Variants in OVCH1 observed in about 807,000 individuals in gnomAD.
OVCH1 encodes the protein ovochymase 1.
In OVCH1, 139 loss-of-function variants were observed where a neutral mutation model predicts 138.4. That is an observed-to-expected ratio of 1.00 (90% CI 0.87 to 1.16). OVCH1 has a LOEUF of 1.16. Among genes scored for constraint, OVCH1 ranks in the 50% most tolerant of loss-of-function variants. The pLI is 0.00. For synonymous variants in OVCH1, 453 were observed against 467.8 expected, an observed-to-expected ratio of 0.97 and a Z score of 0.41; for missense variants, 1,367 against 1,357.9, an observed-to-expected ratio of 1.01 and a Z score of -0.11.
intron 16 of OVCH1, among the ~76,000 whole-genome samples, chr12:29,469,515 C>G (rs952522197): frequency 6.6e-6 from 1 of 152,102 alleles, no homozygotes; most frequent in African/African-American, 2.4e-5. Flanking sequence ...CAGGAACAAG[C>G]TCAGCACATC....
At chr12:29,410,682 TG>T (rs1212409676), downstream of OVCH1, among the ~76,000 whole-genome samples, 1 of 151,824 alleles carries the variant, frequency 6.6e-6, no homozygotes, top group Non-Finnish European at 1.5e-5. Context: ...AGAGATCATC[TG>T]TTAGTCTGAT....
At chr12:29,473,060 A>G in exon 15 of OVCH1, 1 of 1,611,326 alleles carries the variant, frequency 6.2e-7, no homozygotes, top group Non-Finnish European at 8.5e-7. Flanking sequence ...TAGATACAGG[A>G]TTGTTTTGGG....
At chr12:29,495,219 T>C (rs1210162128) in intron 4 of OVCH1, 66 bp downstream of exon 4, 1 of 1,425,418 alleles carries the variant, frequency 7.0e-7, no homozygotes, top group Non-Finnish European at 9.6e-7. Context: ...GACATTAAAG[T>C]TAACTTGTAC....
At chr12:29,449,084 C>A (rs1377259143) in intron 22 of OVCH1, among the ~76,000 whole-genome samples, 1 of 152,038 alleles carries the variant, frequency 6.6e-6, no homozygotes, top group Non-Finnish European at 1.5e-5. Context: ...ATGTTTTCAC[C>A]AAATCTTTTC....
intron 26 of OVCH1, chr12:29,439,225 C>T: frequency 8.8e-7 from 1 of 1,136,046 alleles, no homozygotes; most frequent in African/African-American, 1.6e-5. Context: ...CCTTTAGAAG[C>T]TCAAAGTCCT....
downstream of OVCH1, among the ~76,000 whole-genome samples, chr12:29,409,129 G>T (rs1243004815): frequency 2.6e-5 from 4 of 152,186 alleles, no homozygotes; most frequent in Non-Finnish European, 4.4e-5. Flanking sequence ...ATGGTAGTTT[G>T]TATTTCTGTG....
intron 27 of OVCH1, among the ~76,000 whole-genome samples, chr12:29,428,996 C>T (rs1941224513): frequency 6.6e-6 from 1 of 152,162 alleles, no homozygotes; most frequent in South Asian, 2.1e-4. Flanking sequence ...TAGACAGGTG[C>T]CTCTCATGTA....
chr12:29,439,228 A>C, intron 26 of OVCH1: 1 of 1,170,102 alleles, frequency 8.5e-7, no homozygotes, highest in Non-Finnish European at 1.1e-6. Flanking sequence ...TTAGAAGCTC[A>C]AAGTCCTTTT....
intron 27 of OVCH1, among the ~76,000 whole-genome samples, chr12:29,427,914 T>C (rs931205722): frequency 6.6e-6 from 1 of 152,176 alleles, no homozygotes; most frequent in African/African-American, 2.4e-5. Context: ...TTTGTAATCA[T>C]TTGACACCTC....
intron 3 of OVCH1, among the ~76,000 whole-genome samples, chr12:29,421,987 C>T (rs1356138700): frequency 5.3e-5 from 8 of 152,108 alleles, no homozygotes; most frequent in Admixed American, 2.0e-4. Flanking sequence ...ATTCTCTTCT[C>T]CTTTTAAATA....
chr12:29,416,044 G>C (rs4291713), intron 3 of OVCH1, among the ~76,000 whole-genome samples: 71 of 148,792 alleles, frequency 4.8e-4, no homozygotes, highest in Non-Finnish European at 6.7e-4. Context: ...GATGGTGTTA[G>C]AGCAACTGGC....
At chr12:29,418,073 TC>T (rs1018287295) in intron 3 of OVCH1, among the ~76,000 whole-genome samples, 1 of 152,142 alleles carries the variant, frequency 6.6e-6, no homozygotes, top group African/African-American at 2.4e-5. Flanking sequence ...TAGTTACAGT[TC>T]CCGCAGTATG....
rs547225813 is a variant in OVCH1, at chr12:29,496,881, T to A, written c.65-207A>T. ...GGAATTTGCCTCCTGTCTGCTCCCT[T>A]TCAGCCTGTGTTACCACTGGGCAGG... On this transcript the variant is annotated intron_variant, in intron 1 of 27. Coordinates refer to ENST00000318184, the Ensembl canonical transcript of OVCH1. Among the ~76,000 whole-genome samples, 5 of 152,348 alleles carry A rather than the reference T, an allele frequency of 3.3e-5. No homozygotes were observed. In the South Asian group the frequency reaches 8.3e-4, roughly 25 times the overall value.
At chr12:29,486,487 T>G (rs1943111496) in intron 7 of OVCH1, 139 bp from the exon 8 acceptor site, 1 of 672,218 alleles carries the variant, frequency 1.5e-6, no homozygotes, top group South Asian at 2.2e-5. Flanking sequence ...TTTCTCAGAG[T>G]CAGTAACCCA....
At chr12:29,466,381 T>TGTTAAAA (rs1565591344) in intron 16 of OVCH1, among the ~76,000 whole-genome samples, 6 of 152,068 alleles carry the variant, frequency 3.9e-5, no homozygotes, top group East Asian at 1.9e-4. Flanking sequence ...AAAAAAAGAA[T>TGTTAAAA]ATGTTTAAAA....
At chr12:29,427,568 T>C, downstream of OVCH1, 1 of 1,551,428 alleles carries the variant, frequency 6.4e-7, no homozygotes, top group Non-Finnish European at 8.7e-7. Flanking sequence ...GAATGGGCTG[T>C]GCCTAAGAAC....
intron 2 of OVCH1, 113 bp from the exon 3 acceptor site, chr12:29,496,391 G>A (rs1206851307): frequency 3.1e-5 from 36 of 1,165,092 alleles, no homozygotes; most frequent in East Asian, 5.1e-5. Context: ...TTAAAATACC[G>A]ACATAAATTG....
chr12:29,492,560 A>T (rs1943300714), intron 4 of OVCH1, among the ~76,000 whole-genome samples: 1 of 152,122 alleles, frequency 6.6e-6, no homozygotes, highest in Non-Finnish European at 1.5e-5. Context: ...AGACCATTAA[A>T]ATTAACCCAG....
intron 3 of OVCH1, among the ~76,000 whole-genome samples, chr12:29,421,906 A>AT (rs1230734791): frequency 1.3e-5 from 2 of 152,114 alleles, no homozygotes; most frequent in Non-Finnish European, 2.9e-5. Flanking sequence ...AGCACAGTGG[A>AT]TTTGTGTTGT....
Sources: gnomAD v4.1 joint callset for allele counts (sites outside exome capture counted in the v4.1 genomes callset) on GRCh38, gnomAD v4.1.1 for gene constraint, MANE v1.5 for transcripts, NCBI Gene and HGNC (gene_info 2026-07-23, HGNC 2026-07-21) for gene names.